CDH13: variants seen among roughly 807,000 people sequenced by gnomAD.
CDH13 encodes the protein cadherin 13, also known as cadherin-13.
In CDH13, 24 loss-of-function variants were observed where a neutral mutation model predicts 63.8. The observed-to-expected ratio is 0.38, with a 90% CI of 0.27 to 0.53. The LOEUF (loss-of-function observed/expected upper bound fraction) is 0.53, where lower values mean the gene tolerates loss of function less well. Ranked by LOEUF, CDH13 falls within the 20% of genes least tolerant of loss-of-function variation. CDH13 has a pLI of 0.85. For missense variants in CDH13, 1,049 were observed against 903.1 expected (o/e 1.16, Z -2.07); for synonymous variants, 503 against 355.3 (o/e 1.42, Z -4.67).
intron 4 of CDH13, among the ~76,000 whole-genome samples, chr16:83,168,386 C>T (rs1032091160): frequency 4.4e-4 from 67 of 151,904 alleles, no homozygotes; most frequent in African/African-American, 1.6e-3. Flanking sequence ...TATACACACA[C>T]ATATATTTAC....
Position 83,025,493 on chromosome 16 carries a change from C to G in CDH13, c.158-6517C>G, listed in dbSNP as rs565857768. Among the ~76,000 whole-genome samples, 8 of 152,210 alleles carry G rather than the reference C, an allele frequency of 5.3e-5. No homozygotes were observed. In the East Asian group the frequency reaches 1.4e-3, roughly 26 times the overall value. ...GGGGAAGAATGCCCATCAGATCTCG[C>G]CAGAACTCACTGTCACAAGAATAGC... On this transcript the variant is annotated intron_variant, in intron 2 of 13. Transcript: ENST00000567109.
At chr16:82,791,808 T>C (rs1331791317) in intron 1 of CDH13, among the ~76,000 whole-genome samples, 1 of 152,204 alleles carries the variant, frequency 6.6e-6, no homozygotes, top group African/African-American at 2.4e-5. Context: ...GGTTTTCTTC[T>C]GTGACCCACG....
chr16:82,912,075 C>T (rs1345473884), intron 2 of CDH13, among the ~76,000 whole-genome samples: 2 of 152,196 alleles, frequency 1.3e-5, no homozygotes, highest in Admixed American at 1.3e-4. Flanking sequence ...CCTGCCGTCT[C>T]TTCAGCCATC....
chr16:83,297,236 C>G lies in CDH13; in HGVS notation c.637-47626C>G, dbSNP rs74031985. 5.2e-3 allele frequency among the ~76,000 whole-genome samples: 792 copies of G among 152,158 alleles called. 6 individuals are homozygous for G. The highest frequency in any genetic ancestry group is 0.018 in the African/African-American group (762 of 41,502). On this transcript the variant is annotated intron_variant, in intron 5 of 13. Transcript: ENST00000567109. ...TAGCTAGAAGGGAGGATTTTGAATG[C>G]TCTCAACACAAAGAAATGGCAAGTG...
At chr16:83,210,351 C>T (rs1220651414) in intron 4 of CDH13, among the ~76,000 whole-genome samples, 1 of 152,022 alleles carries the variant, frequency 6.6e-6, no homozygotes, top group Non-Finnish European at 1.5e-5. Context: ...GAGCATGAGC[C>T]ACTGTGCCAG....
intron 6 of CDH13, among the ~76,000 whole-genome samples, chr16:83,476,937 T>G (rs2151547795): frequency 6.6e-6 from 1 of 152,280 alleles, no homozygotes; most frequent in African/African-American, 2.4e-5. Flanking sequence ...GAATGGTAGA[T>G]AAAAAGATTA....
chr16:83,527,290 A>C (rs896422599), intron 7 of CDH13, among the ~76,000 whole-genome samples: 1 of 151,980 alleles, frequency 6.6e-6, no homozygotes, highest in Non-Finnish European at 1.5e-5. Context: ...TCTACTAAAA[A>C]TACAAAAAAT....
intron 1 of CDH13, among the ~76,000 whole-genome samples, chr16:82,850,650 G>C (rs1211545728): frequency 6.6e-6 from 1 of 152,186 alleles, no homozygotes; most frequent in Non-Finnish European, 1.5e-5. Flanking sequence ...ACATGCTATA[G>C]AGAAATCATT....
intron 1 of CDH13, among the ~76,000 whole-genome samples, chr16:82,796,706 T>A (rs1447454736): frequency 1.3e-5 from 2 of 152,224 alleles, no homozygotes; most frequent in Non-Finnish European, 2.9e-5. Context: ...CCACCCAAGA[T>A]GGATTCTTGG....
intron 8 of CDH13, among the ~76,000 whole-genome samples, chr16:83,616,687 A>G (rs370689059): frequency 6.6e-6 from 1 of 152,342 alleles, no homozygotes; most frequent in East Asian, 1.9e-4. Context: ...ACAGGAGTTC[A>G]GAAATAGAAA....
chr16:82,755,059 C>G (rs2034562533), intron 1 of CDH13, among the ~76,000 whole-genome samples: 1 of 152,198 alleles, frequency 6.6e-6, no homozygotes, highest in Non-Finnish European at 1.5e-5. Flanking sequence ...TGCGTACACA[C>G]ATACATCCCT....
intron 2 of CDH13, among the ~76,000 whole-genome samples, chr16:83,017,455 G>T (rs946456885): frequency 6.6e-6 from 1 of 152,226 alleles, no homozygotes; most frequent in African/African-American, 2.4e-5. Flanking sequence ...CAAGGACCTG[G>T]AACTGGATTC....
At chr16:83,153,419 C>A (rs1217678856) in intron 4 of CDH13, among the ~76,000 whole-genome samples, 1 of 152,074 alleles carries the variant, frequency 6.6e-6, no homozygotes, top group Non-Finnish European at 1.5e-5. Flanking sequence ...CTTACAGCCT[C>A]CAGCTGCATG....
chr16:83,625,866 C>G (rs1257969156), intron 8 of CDH13, among the ~76,000 whole-genome samples: 5 of 152,146 alleles, frequency 3.3e-5, no homozygotes, highest in Non-Finnish European at 7.3e-5. Flanking sequence ...CACGCGGTAG[C>G]CAGAGACAAA....
At chr16:83,369,163 C>G (rs2091315343) in intron 6 of CDH13, among the ~76,000 whole-genome samples, 1 of 151,244 alleles carries the variant, frequency 6.6e-6, no homozygotes, top group East Asian at 1.9e-4. Context: ...AGTGGTTGTA[C>G]TTGTTTACAT....
intron 8 of CDH13, among the ~76,000 whole-genome samples, chr16:83,630,046 A>T (rs751146859): frequency 6.6e-5 from 10 of 152,242 alleles, no homozygotes; most frequent in African/African-American, 2.4e-4. Context: ...GCTGGCAGAC[A>T]GGCATTTAAC....
chr16:83,226,810 G>C (rs558886685), intron 5 of CDH13, among the ~76,000 whole-genome samples: 5 of 152,308 alleles, frequency 3.3e-5, no homozygotes, highest in African/African-American at 1.2e-4. Context: ...CGAGCATTGT[G>C]AGTGACACTC....
At chr16:83,055,204 C>T (rs2030791900) in intron 3 of CDH13, among the ~76,000 whole-genome samples, 1 of 151,590 alleles carries the variant, frequency 6.6e-6, no homozygotes, top group Non-Finnish European at 1.5e-5. Context: ...GATTTACAAC[C>T]TTGAATGCAT....
chr16:82,899,574 G>A (rs1239832061), intron 2 of CDH13, among the ~76,000 whole-genome samples: 8 of 152,088 alleles, frequency 5.3e-5, no homozygotes, highest in Non-Finnish European at 1.2e-4. Flanking sequence ...GGCAATGCCT[G>A]CAGGTGGGTG....
Sources: allele counts gnomAD v4.1 joint callset (sites outside exome capture counted in the v4.1 genomes callset), GRCh38; gene constraint gnomAD v4.1.1; transcripts MANE v1.5; gene names NCBI Gene and HGNC (gene_info 2026-07-23, HGNC 2026-07-21).